The following ARAP1 variants were observed in gnomAD, a reference collection of about 807,000 sequenced individuals.
The protein encoded by ARAP1 is ArfGAP with RhoGAP domain, ankyrin repeat and PH domain 1.
Under a neutral mutation model 172.2 loss-of-function variants are expected in ARAP1, and 76 were observed. That is an observed-to-expected ratio of 0.44 (90% CI 0.37 to 0.53). The LOEUF is 0.53. Among genes scored for constraint, ARAP1 ranks in the 20% least tolerant of loss-of-function variants. The pLI is 0.00. For synonymous variants in ARAP1, 804 were observed against 803.3 expected (o/e 1.00, Z -0.01); for missense variants, 1,686 against 1,977.5 (o/e 0.85, Z 2.80).
chr11:72,692,403 G>A (rs1039538147), intron 30 of ARAP1, among the ~76,000 whole-genome samples: 1 of 152,158 alleles, frequency 6.6e-6, no homozygotes, highest in African/African-American at 2.4e-5. Context: ...CACTGTCCAG[G>A]GTTGGAAATA....
chr11:72,687,801 T>C (rs1406795771), intron 31 of ARAP1, 63 bp from the exon 32 acceptor site: 4 of 1,589,356 alleles, frequency 2.5e-6, no homozygotes, highest in Non-Finnish European at 2.6e-6. Context: ...ACACCCCAGT[T>C]CCCAGGACAG....
intron 1 of ARAP1, among the ~76,000 whole-genome samples, chr11:72,742,569 T>G (rs1858233501): frequency 6.6e-6 from 1 of 152,072 alleles, no homozygotes. Context: ...GAGTGCAGAC[T>G]GAGAAGGGCC....
chr11:72,750,644 G>A (rs1858506353), intron 1 of ARAP1, among the ~76,000 whole-genome samples: 1 of 152,216 alleles, frequency 6.6e-6, no homozygotes, highest in Non-Finnish European at 1.5e-5. Context: ...TCTCTTTGGG[G>A]CATGAGGCCA....
At chr11:72,703,173 T>C in intron 14 of ARAP1, 94 bp from the exon 15 acceptor site, 44 of 1,191,176 alleles carry the variant, frequency 3.7e-5, no homozygotes, top group Non-Finnish European at 4.3e-5. Flanking sequence ...AAGGAAGGAG[T>C]CACCCAGGCC....
At chr11:72,738,750 C>T (rs1045837183) in intron 1 of ARAP1, among the ~76,000 whole-genome samples, 1 of 152,090 alleles carries the variant, frequency 6.6e-6, no homozygotes, top group Non-Finnish European at 1.5e-5. Context: ...CCCACTGGTA[C>T]CACAAATGCA....
chr11:72,694,796 G>C (rs2135500232), intron 27 of ARAP1, among the ~76,000 whole-genome samples, 184 bp downstream of exon 27: 1 of 152,206 alleles, frequency 6.6e-6, no homozygotes, highest in Middle Eastern at 3.4e-3. Context: ...CCACATGACA[G>C]CCATAACCTC....
At chr11:72,731,303 T>G (rs938033450) in intron 2 of ARAP1, among the ~76,000 whole-genome samples, 5 of 152,150 alleles carry the variant, frequency 3.3e-5, no homozygotes, top group African/African-American at 1.2e-4. Context: ...ATGTTGGAGG[T>G]GGACCTAGTG....
rs1221810790 is a variant in ARAP1, at chr11:72,699,518, C to T, written c.2337G>A (p.Gly779=). Residue 779 remains glycine (G), a synonymous_variant, in exon 17 of 35, where the codon GGG becomes GGA. Transcript: ENST00000393609. This position sits in a 1 kb window ranked among gnomAD's most constrained non-coding sequence, Gnocchi z 4.2. The part of the protein sequence containing the change: ...FSRRWCVLGD[G]VLSYFENERA... ...GCTCATTCTCAAAGTAGCTCAGGAC[C>T]CCGTCACCAAGGACACACCAGCGCC... 6.2e-7 allele frequency: 1 copy of T among 1,613,700 alleles called. No individual in the cohort carries two copies. Among genetic ancestry groups the T allele is most frequent in the South Asian group, 1.1e-5 (1 of 90,984 alleles).
In ARAP1 at chr11:72,726,735, G is replaced by C. The variant is rs1326936870; in HGVS notation, c.394C>G (p.Pro132Ala). 6.5e-7 allele frequency: 1 copy of C among 1,549,010 alleles called. No individual in the cohort carries two copies. The highest frequency in any genetic ancestry group is 1.2e-5 in the South Asian group (1 of 83,946). Residue 132 changes from proline (P) to alanine (A), a missense_variant, in exon 3 of 35, where the codon CCA becomes GCA. Coordinates refer to ENST00000393609, the MANE Select transcript of ARAP1 (RefSeq NM_001040118.3). The surrounding 1 kb of genome is among the most constrained non-coding windows in gnomAD (Gnocchi z 6.5). ...SCLPPTCFTT[P>A]STAAPDPVLP... ...ACAGGGTCTGGGGCAGCTGTGGATGGGGTGGTGAAGCAGGTGGGCGGAAGG... is the reference window on the plus strand; with the variant it reads ...ACAGGGTCTGGGGCAGCTGTGGATGCGGTGGTGAAGCAGGTGGGCGGAAGG...
intron 11 of ARAP1, 158 bp downstream of exon 11, chr11:72,709,712 G>A (rs1490490343): frequency 2.7e-6 from 2 of 738,848 alleles, no homozygotes; most frequent in East Asian, 2.6e-5. Context: ...AGATCAGAGA[G>A]GGTTAGCAAG....
Position 72,726,743 on chromosome 11 carries a change from A to G in ARAP1, c.386T>C (p.Phe129Ser). ...PRRSCLPPTC[F>S]TTPSTAAPDP... ...TGGGGCAGCTGTGGATGGGGTGGTG[A>G]AGCAGGTGGGCGGAAGGCAGCTCCT... Residue 129 changes from phenylalanine to serine, a missense_variant, in exon 3 of 35, where the codon TTC becomes TCC. This residue lies in a region of ARAP1 where 190 missense variants were observed against 228.6 expected (regional missense o/e 0.83). Coordinates refer to ENST00000393609, the MANE Select transcript of ARAP1 (RefSeq NM_001040118.3). The surrounding 1 kb of genome is among the most constrained non-coding windows in gnomAD (Gnocchi z 6.5). 1 of 1,520,436 alleles carries G rather than the reference A, an allele frequency of 6.6e-7. No homozygotes were observed. The allele number at this position is 1,520,436 out of a possible 1,614,324, so 94.2% of individuals were successfully genotyped here.
At position 72,710,108 on chromosome 11, in the gene ARAP1, C is replaced by A; in HGVS notation, c.1417-132G>T. The A allele has an allele frequency of 1.2e-6, 1 of 858,674 alleles. No homozygotes were observed. The highest frequency in any genetic ancestry group is 1.4e-5 in the South Asian group (1 of 69,480). The allele number at this position is 858,674 out of a possible 1,614,324, so 53.2% of individuals were successfully genotyped here. A position where few individuals can be genotyped will look rare whatever the true frequency, so the allele number is the denominator to read the frequency against. ...TGCCCAGGAGGGAGACAGCAGGGGA[C>A]ATGGGAGGCTGGGCAGGGTAAGGGG... On this transcript the variant is annotated intron_variant, in intron 10 of 34. Transcript: ENST00000393609. This position sits in a 1 kb window ranked among gnomAD's most constrained non-coding sequence, Gnocchi z 4.3.
At chr11:72,685,924 G>A in intron 34 of ARAP1, 118 bp downstream of exon 34, 1 of 1,572,212 alleles carries the variant, frequency 6.4e-7, no homozygotes, top group Non-Finnish European at 8.7e-7. Flanking sequence ...AAGGCTGGAG[G>A]GAGGGGGCCG....
rs895440937 is a variant in ARAP1, at chr11:72,701,560, G to A, written c.2302+89C>T. The stretch of plus-strand genomic sequence containing the variant: ...AGCCCTCTAGGGTGACTCTGCCAGA[G>A]TCCACCAGTCTGGCCAGCCCTGGCT... On this transcript the variant is annotated intron_variant, in intron 16 of 34. Coordinates refer to ENST00000393609, the MANE Select transcript of ARAP1 (RefSeq NM_001040118.3). 79 of 1,511,472 alleles carry A rather than the reference G, an allele frequency of 5.2e-5. 1 individual carries two copies. The highest frequency in any genetic ancestry group is 6.8e-5 in the Non-Finnish European group (77 of 1,129,854). 93.6% of individuals were successfully genotyped at this position (1,511,472 alleles called of 1,614,324 possible).
Position 72,712,349 on chromosome 11 carries a change from GA to G in ARAP1, c.879-11del, listed in dbSNP as rs777023187. On this transcript the variant is annotated splice_polypyrimidine_tract_variant and intron_variant, in intron 6 of 34. Transcript: ENST00000393609. ...GGTATGCCATCCGCCACTAGCGAGAGATGAGGGGATGGGGGGCCGGGCTGAG... is the reference window on the plus strand; with the variant it reads ...GGTATGCCATCCGCCACTAGCGAGAGTGAGGGGATGGGGGGCCGGGCTGAG... 4 of 1,545,718 alleles carry G rather than the reference GA, an allele frequency of 2.6e-6. No homozygotes were observed. Among genetic ancestry groups the G allele is most frequent in the Non-Finnish European group, 2.6e-6 (3 of 1,141,066 alleles).
chr11:72,697,864 AGGATAGGGTGCCCT>A, intron 19 of ARAP1, 33 bp downstream of exon 19: 1 of 1,514,098 alleles, frequency 6.6e-7, no homozygotes, highest in South Asian at 1.3e-5. Context: ...CTGGGAGCCC[AGGATAGGGTGCCCT>A]GGAGGCTGGG....
intron 5 of ARAP1, 197 bp from the exon 6 acceptor site, chr11:72,712,765 G>A: frequency 1.2e-6 from 1 of 820,892 alleles, no homozygotes; most frequent in Non-Finnish European, 1.9e-6. Context: ...GAGAGCCAGT[G>A]GCAGAAACCG....
intron 18 of ARAP1, among the ~76,000 whole-genome samples, chr11:72,698,326 C>A (rs1856313252): frequency 6.6e-6 from 1 of 152,252 alleles, no homozygotes; most frequent in East Asian, 1.9e-4. Context: ...CAGACACCTT[C>A]TGGAGGGCCC....
At chr11:72,692,030 G>A (rs553764157) in intron 30 of ARAP1, among the ~76,000 whole-genome samples, 81 of 152,220 alleles carry the variant, frequency 5.3e-4, no homozygotes, top group Admixed American at 1.5e-3. Flanking sequence ...ATGCTCACTC[G>A]CCCGATGTTC....
Sources: allele counts gnomAD v4.1 joint callset (sites outside exome capture counted in the v4.1 genomes callset), GRCh38; gene constraint gnomAD v4.1.1; regional missense constraint gnomAD v4.1.1; non-coding constraint Gnocchi (gnomAD v3.1); transcripts MANE v1.5; gene names NCBI Gene and HGNC (gene_info 2026-07-23, HGNC 2026-07-21).